The following EPHA5 variants were observed in gnomAD, a reference collection of about 807,000 sequenced individuals.
EPHA5 encodes ephrin type-A receptor 5.
Under a neutral mutation model 105.0 loss-of-function variants are expected in EPHA5, and 60 were observed. The observed-to-expected ratio is 0.57, with a 90% CI of 0.46 to 0.71. The LOEUF is 0.71. Among genes scored for constraint, EPHA5 ranks in the 30% least tolerant of loss-of-function variants. The pLI, the probability that EPHA5 is intolerant of heterozygous loss-of-function variation, is 0.00. For synonymous variants in EPHA5, 513 were observed against 449.1 expected (o/e 1.14, Z -1.80); for missense variants, 1,218 against 1,274.7 (o/e 0.96, Z 0.68).
At chr4:65,664,309 G>A (rs1352537615) in intron 1 of EPHA5, among the ~76,000 whole-genome samples, 1 of 151,770 alleles carries the variant, frequency 6.6e-6, no homozygotes, top group African/African-American at 2.4e-5. Flanking sequence ...TTCAAAAATT[G>A]TTATTAGTAC....
intron 3 of EPHA5, among the ~76,000 whole-genome samples, chr4:65,562,305 A>T (rs1168007452): frequency 6.6e-6 from 1 of 152,018 alleles, no homozygotes. Context: ...AAGTAACCAA[A>T]GTTTAGATTT....
At chr4:65,453,267 A>G (rs1727242542) in intron 5 of EPHA5, among the ~76,000 whole-genome samples, 1 of 152,214 alleles carries the variant, frequency 6.6e-6, no homozygotes, top group African/African-American at 2.4e-5. Flanking sequence ...AAATCACTAA[A>G]TATTTCACTA....
At chr4:65,398,243 G>A (rs1418766277) in intron 8 of EPHA5, among the ~76,000 whole-genome samples, 2 of 152,172 alleles carry the variant, frequency 1.3e-5, no homozygotes, top group African/African-American at 4.8e-5. Flanking sequence ...ATGACCCTGG[G>A]TGCTGTTGTG....
At chr4:65,557,673 A>C (rs1738592759) in intron 3 of EPHA5, among the ~76,000 whole-genome samples, 1 of 152,106 alleles carries the variant, frequency 6.6e-6, no homozygotes, top group East Asian at 1.9e-4. Flanking sequence ...TGAGATAAAG[A>C]GGGAGACAAG....
intron 1 of EPHA5, among the ~76,000 whole-genome samples, chr4:65,661,084 T>C (rs894246997): frequency 2.0e-5 from 3 of 152,212 alleles, no homozygotes; most frequent in African/African-American, 4.8e-5. Context: ...ATAGCAATTA[T>C]ATGAAGTAGG....
intron 5 of EPHA5, among the ~76,000 whole-genome samples, chr4:65,431,184 C>T (rs191056095): frequency 1.8e-3 from 277 of 152,212 alleles, no homozygotes; most frequent in Middle Eastern, 6.8e-3. Flanking sequence ...CATGCTGCAC[C>T]ATAGATAAGA....
intron 13 of EPHA5, among the ~76,000 whole-genome samples, chr4:65,350,430 T>A (rs1016618749): frequency 6.6e-6 from 1 of 152,108 alleles, no homozygotes; most frequent in Non-Finnish European, 1.5e-5. Flanking sequence ...GGATGTAATT[T>A]TTAAAAGTTG....
chr4:65,336,148 AG>A, intron 14 of EPHA5, 23 bp from the exon 15 acceptor site: 2 of 1,569,444 alleles, frequency 1.3e-6, no homozygotes, highest in Non-Finnish European at 1.7e-6. Flanking sequence ...AAACAGAACC[AG>A]CACCCCAACA....
chr4:65,427,384 A>G (rs1263304058), intron 5 of EPHA5, among the ~76,000 whole-genome samples: 2 of 151,876 alleles, frequency 1.3e-5, no homozygotes, highest in African/African-American at 2.4e-5. Context: ...GGGTTTCATC[A>G]TCTTGGCCAG....
intron 3 of EPHA5, 33 bp from the exon 4 acceptor site, chr4:65,495,576 C>G (rs778280358): frequency 6.3e-7 from 1 of 1,578,124 alleles, no homozygotes; most frequent in South Asian, 1.2e-5. Flanking sequence ...AAGCTTTTCC[C>G]TGGAACAGAT....
chr4:65,542,770 A>AC (rs1304958682), intron 3 of EPHA5, among the ~76,000 whole-genome samples: 2 of 2,846 alleles, frequency 7.0e-4, no homozygotes, highest in African/African-American at 1.9e-3. Flanking sequence ...CACAACAAAG[A>AC]AAAAAAAAAC....
At chr4:65,426,131 G>T (rs1429699449) in intron 5 of EPHA5, among the ~76,000 whole-genome samples, 2 of 152,054 alleles carry the variant, frequency 1.3e-5, no homozygotes, top group African/African-American at 4.8e-5. Context: ...TCACTACCCT[G>T]CCTTATGGAT....
intron 5 of EPHA5, among the ~76,000 whole-genome samples, chr4:65,445,402 C>T (rs567782084): frequency 9.2e-5 from 14 of 151,824 alleles, no homozygotes; most frequent in Non-Finnish European, 1.8e-4. Flanking sequence ...TTGATAATCA[C>T]AGATGAAAAA....
intron 8 of EPHA5, among the ~76,000 whole-genome samples, chr4:65,379,576 A>G (rs1719354275): frequency 6.6e-6 from 1 of 151,672 alleles, no homozygotes. Flanking sequence ...GAATACATCT[A>G]TTTTACTTTG....
chr4:65,596,234 T>A (rs1315898938), intron 3 of EPHA5, among the ~76,000 whole-genome samples: 2 of 152,142 alleles, frequency 1.3e-5, no homozygotes, highest in Admixed American at 6.5e-5. Context: ...GTATTTGGAT[T>A]AGTGGTTCTC....
At position 65,519,577 on chromosome 4, in the gene EPHA5, A is replaced by AC. The variant is rs1734467556; in HGVS notation, c.911-24035_911-24034insG. Among the ~76,000 whole-genome samples the AC allele has an allele frequency of 7.9e-5, 12 of 152,052 alleles. 1 individual carries two copies. Among genetic ancestry groups the AC allele is most frequent in the Admixed American group, 6.6e-4 (10 of 15,254 alleles). ...AAAGGGTATTCAATTAGGAAAGAGGAAGTCAAATTGTCCCTGTTTGCAGAT... is the reference window on the plus strand; with the variant it reads ...AAAGGGTATTCAATTAGGAAAGAGGACAGTCAAATTGTCCCTGTTTGCAGAT... On this transcript the variant is annotated intron_variant, in intron 3 of 16. Coordinates refer to ENST00000613740, the MANE Select transcript of EPHA5 (RefSeq NM_001281766.3).
At chr4:65,346,815 G>A (rs972820196) in intron 14 of EPHA5, among the ~76,000 whole-genome samples, 1 of 152,098 alleles carries the variant, frequency 6.6e-6, no homozygotes, top group African/African-American at 2.4e-5. Flanking sequence ...CAAAAAATGG[G>A]CAAAGGATAT....
At chr4:65,508,128 T>C (rs1038380750) in intron 3 of EPHA5, among the ~76,000 whole-genome samples, 2 of 152,142 alleles carry the variant, frequency 1.3e-5, no homozygotes, top group African/African-American at 2.4e-5. Flanking sequence ...TGTGTTAACA[T>C]GAATGTTTAT....
intron 5 of EPHA5, among the ~76,000 whole-genome samples, chr4:65,464,616 A>T (rs1728438718): frequency 6.6e-6 from 1 of 152,158 alleles, no homozygotes; most frequent in African/African-American, 2.4e-5. Context: ...CATTTTAAAA[A>T]TAAATTAAGC....
Sources: gnomAD v4.1 joint callset for allele counts (sites outside exome capture counted in the v4.1 genomes callset) on GRCh38, gnomAD v4.1.1 for gene constraint, MANE v1.5 for transcripts, NCBI Gene and HGNC (gene_info 2026-07-23, HGNC 2026-07-21) for gene names.